Variants in CNTN4 observed in about 807,000 individuals in gnomAD.
CNTN4 encodes contactin-4.
In CNTN4, 77 loss-of-function variants were observed where a neutral mutation model predicts 122.5. The ratio of observed to expected loss-of-function variants is 0.63; its 90% CI spans 0.52 to 0.76. CNTN4 has a LOEUF of 0.76. CNTN4 is among the 30% of genes least tolerant of loss of function. The pLI is 0.00. For synonymous variants in CNTN4, 512 were observed against 447.0 expected (o/e 1.15, Z -1.83); for missense variants, 1,256 against 1,259.1 (o/e 1.00, Z 0.04).
intron 3 of CNTN4, among the ~76,000 whole-genome samples, chr3:2,340,619 G>A (rs1190824107): frequency 1.4e-5 from 2 of 148,122 alleles, no homozygotes; most frequent in African/African-American, 2.5e-5. Context: ...GGTCAAGGCT[G>A]CAACGAGTTG....
chr3:2,244,178 GATAAA>G (rs1345771012), intron 2 of CNTN4, among the ~76,000 whole-genome samples: 2 of 151,538 alleles, frequency 1.3e-5, no homozygotes, highest in East Asian at 1.9e-4. Flanking sequence ...AATAACTATT[GATAAA>G]ATAGAACAGT....
Position 2,933,015 on chromosome 3 carries a change from A to G in CNTN4, c.1358+7236A>G, listed in dbSNP as rs569390331. ...TTTTTTGTATTTTTAGTAGAGACGA[A>G]GTTTCACCGTGTTAGCCAGGATGGT... is the stretch of plus-strand genomic sequence containing the variant. On this transcript the variant is annotated intron_variant, in intron 13 of 24. Transcript: ENST00000418658. 1.4e-3 allele frequency among the ~76,000 whole-genome samples: 208 copies of G among 151,832 alleles called. 2 individuals are homozygous for G. Among genetic ancestry groups the G allele is most frequent in the South Asian group, 4.0e-3 (19 of 4,798 alleles).
At chr3:2,383,978 A>G (rs942243023) in intron 3 of CNTN4, among the ~76,000 whole-genome samples, 1 of 152,142 alleles carries the variant, frequency 6.6e-6, no homozygotes, top group African/African-American at 2.4e-5. Flanking sequence ...TTTGATACCT[A>G]TGACTGACTG....
intron 3 of CNTN4, among the ~76,000 whole-genome samples, chr3:2,559,779 T>G (rs1487795140): frequency 6.6e-6 from 1 of 152,166 alleles, no homozygotes; most frequent in Admixed American, 6.5e-5. Context: ...CATCTGCATG[T>G]AGTCATGAAC....
At chr3:2,248,959 A>G (rs2040261941) in intron 2 of CNTN4, among the ~76,000 whole-genome samples, 1 of 151,958 alleles carries the variant, frequency 6.6e-6, no homozygotes, top group South Asian at 2.1e-4. Context: ...CTCCAAACGC[A>G]TAAGGAGTTT....
chr3:2,201,695 A>G (rs2038101849), intron 2 of CNTN4, among the ~76,000 whole-genome samples: 1 of 152,188 alleles, frequency 6.6e-6, no homozygotes, highest in Non-Finnish European at 1.5e-5. Context: ...TGACCTCACA[A>G]TAAAAAGCCT....
intron 8 of CNTN4, among the ~76,000 whole-genome samples, chr3:2,879,156 A>G (rs2093879005): frequency 6.6e-6 from 1 of 152,178 alleles, no homozygotes; most frequent in Non-Finnish European, 1.5e-5. Flanking sequence ...CATAGATCCA[A>G]TATGACTGGT....
chr3:2,558,214 A>C, intron 3 of CNTN4, among the ~76,000 whole-genome samples: 1 of 152,228 alleles, frequency 6.6e-6, no homozygotes, highest in East Asian at 1.9e-4. Flanking sequence ...ACGTAAGTAT[A>C]GTATGATCAC....
At position 2,507,443 on chromosome 3, in the gene CNTN4, C is replaced by T. The variant is rs930140001; in HGVS notation, c.-88-63973C>T. 3.0e-4 allele frequency among the ~76,000 whole-genome samples: 45 copies of T among 151,768 alleles called. 1 individual carries two copies. The highest frequency in any genetic ancestry group is 1.1e-3 in the Admixed American group (17 of 15,240). ...AAAATTGGCTTGTGTTGGCTGGGTG[C>T]GGTGGCTCATGACTGTAATCCCAGC... On this transcript the variant is annotated intron_variant, in intron 3 of 24. Transcript: ENST00000418658.
chr3:2,627,660 A>AT (rs574105704), intron 4 of CNTN4, among the ~76,000 whole-genome samples: 20 of 151,588 alleles, frequency 1.3e-4, no homozygotes, highest in East Asian at 3.9e-4. Context: ...CGCCTGGCTA[A>AT]TTTTTTGTAT....
intron 7 of CNTN4, among the ~76,000 whole-genome samples, chr3:2,857,970 A>G (rs4234553): frequency 0.86 from 130,248 of 152,150 alleles, 55,788 homozygotes; most frequent in East Asian, 0.96. Flanking sequence ...CCATTTATTT[A>G]TCTTTGTGTC....
chr3:2,191,178 C>T (rs1301448973), intron 2 of CNTN4, among the ~76,000 whole-genome samples: 7 of 152,022 alleles, frequency 4.6e-5, no homozygotes, highest in Non-Finnish European at 7.4e-5. Flanking sequence ...AAGCGATCCT[C>T]CTGCCTCAGC....
intron 12 of CNTN4, among the ~76,000 whole-genome samples, chr3:2,917,291 C>G (rs957992789): frequency 1.3e-5 from 2 of 149,362 alleles, no homozygotes; most frequent in South Asian, 2.1e-4. Context: ...CCGTGGAAAG[C>G]GGGAGGCGGA....
chr3:2,769,739 A>G (rs541270424), intron 6 of CNTN4, among the ~76,000 whole-genome samples: 1 of 152,322 alleles, frequency 6.6e-6, no homozygotes, highest in African/African-American at 2.4e-5. Context: ...TTAAAAAACA[A>G]CATACAGATG....
At position 2,577,164 on chromosome 3, in the gene CNTN4, C is replaced by T. The variant is rs560029262; in HGVS notation, c.55+5606C>T. 2.0e-5 allele frequency among the ~76,000 whole-genome samples: 3 copies of T among 152,278 alleles called. No individual in the cohort carries two copies. In the East Asian group the frequency reaches 5.8e-4, roughly 29 times the overall value. ...TACTTCTGCTTCTTGGTATCACCTC[C>T]TAAATAAACTAAACTGCTTGGAAGT... On this transcript the variant is annotated intron_variant, in intron 4 of 24. Coordinates refer to ENST00000418658, the MANE Select transcript of CNTN4 (RefSeq NM_175607.3).
chr3:3,031,691 A>T (rs1699179922), intron 16 of CNTN4, among the ~76,000 whole-genome samples: 1 of 152,224 alleles, frequency 6.6e-6, no homozygotes, highest in South Asian at 2.1e-4. Context: ...AATGAAAATT[A>T]AAATCTTCAC....
intron 2 of CNTN4, among the ~76,000 whole-genome samples, chr3:2,102,577 C>T (rs1443890940): frequency 6.6e-6 from 1 of 152,180 alleles, no homozygotes; most frequent in Non-Finnish European, 1.5e-5. Context: ...AAGTGTGATT[C>T]AGAGACCCAG....
At chr3:2,717,111 A>G (rs1026559011) in intron 4 of CNTN4, among the ~76,000 whole-genome samples, 5 of 151,966 alleles carry the variant, frequency 3.3e-5, no homozygotes, top group Non-Finnish European at 7.4e-5. Flanking sequence ...TGTGTTTTCA[A>G]TTCTCTTGGG....
intron 6 of CNTN4, among the ~76,000 whole-genome samples, chr3:2,804,737 C>CTTTAGTTTTTTTT (rs1553643947): frequency 2.1e-5 from 3 of 144,972 alleles, no homozygotes; most frequent in Middle Eastern, 3.6e-3. Flanking sequence ...ATTTTGAGCA[C>CTTTAGTTTTTTTT]TTTTTTTTTG....
Sources: gnomAD v4.1 joint callset for allele counts (sites outside exome capture counted in the v4.1 genomes callset) on GRCh38, gnomAD v4.1.1 for gene constraint, MANE v1.5 for transcripts, NCBI Gene and HGNC (gene_info 2026-07-23, HGNC 2026-07-21) for gene names.